The following FBXO4 variants were observed in gnomAD, a reference collection of about 807,000 sequenced individuals.
FBXO4 encodes the protein F-box protein 4.
A neutral mutation model predicts 43.7 loss-of-function variants in FBXO4; 36 were observed. The observed-to-expected ratio is 0.82, with a 90% CI of 0.63 to 1.09. FBXO4 has a LOEUF of 1.09. Ranked by LOEUF, FBXO4 falls within the 50% of genes least tolerant of loss-of-function variation. FBXO4 has a pLI of 0.00. For synonymous variants in FBXO4, 180 were observed against 165.6 expected (o/e 1.09, Z -0.67); for missense variants, 435 against 474.1 (o/e 0.92, Z 0.77).
At chr5:41,973,357 A>T in the FBXO4 span, among the ~76,000 whole-genome samples, 161 of 152,236 alleles carry the variant, frequency 1.1e-3, no homozygotes, top group Non-Finnish European at 1.8e-3. Flanking sequence ...GCAAATCAAA[A>T]CCACAATGAG....
the FBXO4 span, among the ~76,000 whole-genome samples, chr5:42,038,806 C>T: frequency 4.6e-5 from 7 of 152,056 alleles, no homozygotes; most frequent in Non-Finnish European, 1.0e-4. Context: ...TCATTGCACT[C>T]TCTACTTCCA....
At chr5:41,960,043 G>T in the FBXO4 span, among the ~76,000 whole-genome samples, 1 of 151,746 alleles carries the variant, frequency 6.6e-6, no homozygotes, top group Non-Finnish European at 1.5e-5. Context: ...CTTCATTAGC[G>T]TATTATAGTT....
At chr5:41,929,459 G>GT (rs2112570409) in intron 2 of FBXO4, among the ~76,000 whole-genome samples, 1 of 152,126 alleles carries the variant, frequency 6.6e-6, no homozygotes, top group Non-Finnish European at 1.5e-5. Context: ...CCACTTCATG[G>GT]GGGAAGAGTT....
the FBXO4 span, among the ~76,000 whole-genome samples, chr5:41,951,057 T>A: frequency 6.6e-6 from 1 of 152,116 alleles, no homozygotes; most frequent in Admixed American, 6.5e-5. Flanking sequence ...CACCGGGGCC[T>A]GTTGGGGGGT....
the FBXO4 span, among the ~76,000 whole-genome samples, chr5:42,006,621 T>G: frequency 2.0e-5 from 3 of 151,684 alleles, no homozygotes; most frequent in Non-Finnish European, 1.5e-5. Flanking sequence ...AAATATGAAG[T>G]TTGAAGAAAG....
At chr5:41,966,628 T>A in the FBXO4 span, among the ~76,000 whole-genome samples, 1 of 152,214 alleles carries the variant, frequency 6.6e-6, no homozygotes, top group Admixed American at 6.5e-5. Flanking sequence ...CCGGTTCAGT[T>A]CTACTTAGAC....
chr5:42,022,790 GA>G, the FBXO4 span, among the ~76,000 whole-genome samples: 1 of 152,038 alleles, frequency 6.6e-6, no homozygotes, highest in Non-Finnish European at 1.5e-5. Flanking sequence ...TTGGTTTGTA[GA>G]TATATGACAG....
At chr5:41,989,525 C>T in the FBXO4 span, among the ~76,000 whole-genome samples, 1 of 152,064 alleles carries the variant, frequency 6.6e-6, no homozygotes, top group Non-Finnish European at 1.5e-5. Flanking sequence ...CTTTAAAGCT[C>T]CCTTTGTATA....
At chr5:41,952,006 G>A in the FBXO4 span, 4 of 299,348 alleles carry the variant, frequency 1.3e-5, no homozygotes, top group East Asian at 9.4e-5. Context: ...GCAATGACAC[G>A]AGCTGCCAGC....
the FBXO4 span, among the ~76,000 whole-genome samples, chr5:41,962,038 A>G: frequency 2.0e-5 from 3 of 150,866 alleles, no homozygotes; most frequent in Admixed American, 6.6e-5. Context: ...GTTGCCACAG[A>G]CTCTTTAGTG....
chr5:41,975,903 G>A, the FBXO4 span, among the ~76,000 whole-genome samples: 1 of 152,126 alleles, frequency 6.6e-6, no homozygotes, highest in Non-Finnish European at 1.5e-5. Flanking sequence ...TGAGAAGCAT[G>A]GTGCCAGCAT....
the FBXO4 span, among the ~76,000 whole-genome samples, chr5:41,994,859 CA>C: frequency 3.3e-5 from 5 of 152,114 alleles, no homozygotes; most frequent in East Asian, 3.9e-4. Context: ...GAACAGGAAG[CA>C]AAAATTTTGC....
chr5:42,000,278 T>C, the FBXO4 span, among the ~76,000 whole-genome samples: 1 of 152,194 alleles, frequency 6.6e-6, no homozygotes, highest in Non-Finnish European at 1.5e-5. Context: ...TATGCTCCAA[T>C]GAACATGGGG....
the FBXO4 span, among the ~76,000 whole-genome samples, chr5:41,985,004 C>A: frequency 6.6e-6 from 1 of 152,204 alleles, no homozygotes; most frequent in African/African-American, 2.4e-5. Flanking sequence ...TACCCTACTT[C>A]TCAATTTCTC....
the FBXO4 span, among the ~76,000 whole-genome samples, chr5:41,991,798 G>T: frequency 6.6e-6 from 1 of 152,164 alleles, no homozygotes; most frequent in East Asian, 1.9e-4. Flanking sequence ...ATACCTTCCG[G>T]CCGGGCACAG....
the FBXO4 span, among the ~76,000 whole-genome samples, chr5:42,005,048 T>C: frequency 6.6e-6 from 1 of 152,154 alleles, no homozygotes; most frequent in Non-Finnish European, 1.5e-5. Context: ...GTGGGTAATA[T>C]AATGCTTCTC....
chr5:42,025,613 T>C, the FBXO4 span, among the ~76,000 whole-genome samples: 1 of 151,856 alleles, frequency 6.6e-6, no homozygotes, highest in Non-Finnish European at 1.5e-5. Flanking sequence ...AGATTTTTTT[T>C]CCCAGACGAA....
At chr5:42,023,285 C>T in the FBXO4 span, among the ~76,000 whole-genome samples, 1 of 151,998 alleles carries the variant, frequency 6.6e-6, no homozygotes, top group Admixed American at 6.6e-5. Flanking sequence ...GAGAAACCTA[C>T]CAAGAGGGTT....
At chr5:42,010,126 G>A in the FBXO4 span, among the ~76,000 whole-genome samples, 2 of 152,174 alleles carry the variant, frequency 1.3e-5, no homozygotes, top group Admixed American at 1.3e-4. Flanking sequence ...GAATCATACA[G>A]TATTTGTTCT....
Sources: gnomAD v4.1 joint callset for allele counts (sites outside exome capture counted in the v4.1 genomes callset) on GRCh38, gnomAD v4.1.1 for gene constraint, MANE v1.5 for transcripts, NCBI Gene and HGNC (gene_info 2026-07-23, HGNC 2026-07-21) for gene names.